Variants in TMEM74 observed in about 807,000 individuals in gnomAD.
TMEM74 encodes the protein transmembrane protein 74.
Under a neutral mutation model 18.1 loss-of-function variants are expected in TMEM74, and 13 were observed. The observed-to-expected ratio is 0.72, with a 90% confidence interval of 0.47 to 1.14. The LOEUF (loss-of-function observed/expected upper bound fraction) is 1.14. TMEM74 is among the 50% of genes most tolerant of loss of function. TMEM74 has a pLI of 0.00. For synonymous variants in TMEM74, 159 were observed against 146.6 expected (o/e 1.08, Z -0.61); for missense variants, 372 against 375.9 (o/e 0.99, Z 0.09).
intron 1 of TMEM74, among the ~76,000 whole-genome samples, chr8:108,750,502 T>A (rs1179993506): frequency 6.6e-6 from 1 of 152,086 alleles, no homozygotes; most frequent in Non-Finnish European, 1.5e-5. Context: ...TTGGCAGTTA[T>A]GACATTGTCT....
intron 1 of TMEM74, among the ~76,000 whole-genome samples, chr8:108,772,043 T>C (rs73311991): frequency 0.062 from 9,450 of 152,242 alleles, 800 homozygotes; most frequent in African/African-American, 0.19. Context: ...TATTTTAATA[T>C]GAATTTTTGA....
intron 1 of TMEM74, among the ~76,000 whole-genome samples, chr8:108,666,559 G>A (rs116352084): frequency 2.0e-5 from 3 of 152,198 alleles, no homozygotes; most frequent in East Asian, 1.9e-4. Flanking sequence ...TCTTTTGCTC[G>A]TGTAATCTAC....
At chr8:108,722,676 C>G (rs997356309) in intron 1 of TMEM74, among the ~76,000 whole-genome samples, 31 of 152,118 alleles carry the variant, frequency 2.0e-4, no homozygotes, top group African/African-American at 6.5e-4. Context: ...TGTATAGTAC[C>G]TGACACAATA....
chr8:108,686,122 A>T (rs1389927703), intron 1 of TMEM74, among the ~76,000 whole-genome samples: 1 of 152,184 alleles, frequency 6.6e-6, no homozygotes, highest in African/African-American at 2.4e-5. Context: ...TTGAACAAAA[A>T]AATGCAAGAA....
At chr8:108,620,151 T>TACATGTACATGTATGTAC (rs1812425313) in intron 2 of TMEM74, among the ~76,000 whole-genome samples, 2 of 152,318 alleles carry the variant, frequency 1.3e-5, no homozygotes, top group East Asian at 3.9e-4. Context: ...TTAATGCATG[T>TACATGTACATGTATGTAC]ATGTTATACA....
At chr8:108,660,199 A>T (rs1201730026) in intron 1 of TMEM74, among the ~76,000 whole-genome samples, 1 of 152,158 alleles carries the variant, frequency 6.6e-6, no homozygotes, top group African/African-American at 2.4e-5. Flanking sequence ...CTCATTCACC[A>T]GTCATCAAAG....
chr8:108,750,569 C>A (rs537983436), intron 1 of TMEM74, among the ~76,000 whole-genome samples: 80 of 152,142 alleles, frequency 5.3e-4, no homozygotes, highest in African/African-American at 1.9e-3. Context: ...CCTGACAGTC[C>A]ACAGCTGTTA....
At chr8:108,756,776 A>T (rs1813979819) in intron 1 of TMEM74, among the ~76,000 whole-genome samples, 1 of 96,352 alleles carries the variant, frequency 1.0e-5, no homozygotes, top group Non-Finnish European at 2.0e-5. Context: ...AGGGGAGGGG[A>T]GGGCAGGAGG....
chr8:108,787,300 G>A (rs538499891), intron 1 of TMEM74, among the ~76,000 whole-genome samples, 176 bp downstream of exon 1: 3 of 152,284 alleles, frequency 2.0e-5, no homozygotes, highest in South Asian at 4.1e-4. Context: ...GAGGAATCCG[G>A]CTATCCATTT....
intron 1 of TMEM74, among the ~76,000 whole-genome samples, chr8:108,719,258 A>G (rs1001888516): frequency 6.6e-6 from 1 of 152,088 alleles, no homozygotes; most frequent in African/African-American, 2.4e-5. Context: ...TATGTTGTTT[A>G]CTTGTTATTT....
chr8:108,773,471 A>T (rs1814195040), intron 1 of TMEM74, among the ~76,000 whole-genome samples: 1 of 152,198 alleles, frequency 6.6e-6, no homozygotes, highest in African/African-American at 2.4e-5. Flanking sequence ...GAAGGTTTTA[A>T]AATATGTACG....
chr8:108,754,933 A>G (rs1813942248), intron 1 of TMEM74, among the ~76,000 whole-genome samples: 1 of 151,940 alleles, frequency 6.6e-6, no homozygotes, highest in Non-Finnish European at 1.5e-5. Flanking sequence ...TTTTTGTTCT[A>G]TTCAGGCCCG....
intron 2 of TMEM74, among the ~76,000 whole-genome samples, chr8:108,631,863 T>C (rs1347394778): frequency 2.6e-5 from 4 of 152,034 alleles, no homozygotes; most frequent in African/African-American, 4.8e-5. Flanking sequence ...TACAAGCCAC[T>C]GGGGGTGTAG....
chr8:108,623,329 C>A (rs560894142), intron 2 of TMEM74, among the ~76,000 whole-genome samples: 1 of 152,032 alleles, frequency 6.6e-6, no homozygotes, highest in Non-Finnish European at 1.5e-5. Flanking sequence ...AACAAACAAA[C>A]CCTTTTCCAA....
chr8:108,695,016 G>A (rs1002438052), intron 1 of TMEM74, among the ~76,000 whole-genome samples: 1 of 152,178 alleles, frequency 6.6e-6, no homozygotes, highest in African/African-American at 2.4e-5. Context: ...CCCTTTGTCA[G>A]GAAGCTAACC....
chr8:108,662,101 G>A (rs190354549), intron 1 of TMEM74, among the ~76,000 whole-genome samples: 41 of 152,214 alleles, frequency 2.7e-4, no homozygotes, highest in Non-Finnish European at 5.3e-4. Context: ...AAAAAAGATG[G>A]ATAGACCCAT....
chr8:108,611,514 TGCTCATAGAAA>T (rs1812333437), intron 2 of TMEM74, among the ~76,000 whole-genome samples: 1 of 152,224 alleles, frequency 6.6e-6, no homozygotes, highest in Admixed American at 6.5e-5. Context: ...GATACAGTTG[TGCTCATAGAAA>T]ACATAATGGT....
chr8:108,745,691 C>T (rs190799141), intron 1 of TMEM74, among the ~76,000 whole-genome samples: 2 of 152,136 alleles, frequency 1.3e-5, no homozygotes, highest in East Asian at 3.9e-4. Context: ...GGAGGAGACA[C>T]CCCTCATATC....
chr8:108,708,351 C>T (rs1185412315), intron 1 of TMEM74, among the ~76,000 whole-genome samples: 2 of 151,454 alleles, frequency 1.3e-5, no homozygotes, highest in African/African-American at 4.9e-5. Context: ...CATACACATG[C>T]ATGTGTGTCT....
Sources: gnomAD v4.1 joint callset for allele counts (sites outside exome capture counted in the v4.1 genomes callset) on GRCh38, gnomAD v4.1.1 for gene constraint, MANE v1.5 for transcripts, NCBI Gene and HGNC (gene_info 2026-07-23, HGNC 2026-07-21) for gene names.